Variants in DHRSX observed in about 807,000 individuals in gnomAD.
The protein encoded by DHRSX is dehydrogenase/reductase X-linked.
In DHRSX, 31 loss-of-function variants were observed where a neutral mutation model predicts 34.0. That is an observed-to-expected ratio of 0.91 (90% CI 0.69 to 1.23). The LOEUF (loss-of-function observed/expected upper bound fraction) is 1.23, where lower values mean the gene tolerates loss of function less well. Among genes scored for constraint, DHRSX ranks in the 50% most tolerant of loss-of-function variants. The pLI is 0.00. For synonymous variants in DHRSX, 201 were observed against 183.8 expected (o/e 1.09, Z -0.76); for missense variants, 414 against 428.1 (o/e 0.97, Z 0.29).
At chrX:2,490,346 T>C in intron 1 of DHRSX, 1 of 1,613,282 alleles carries the variant, frequency 6.2e-7, no homozygotes, top group South Asian at 1.1e-5. Flanking sequence ...GGCCGTCAGC[T>C]CCTGCTGCTT....
intron 2 of DHRSX, among the ~76,000 whole-genome samples, chrX:2,415,170 A>G (rs2043678397): frequency 6.6e-6 from 1 of 151,996 alleles, no homozygotes; most frequent in Admixed American, 6.6e-5. Context: ...ATCATGACCT[A>G]ATCCAACTAG....
intron 3 of DHRSX, among the ~76,000 whole-genome samples, chrX:2,297,646 CA>C (rs1225957820): frequency 6.6e-6 from 1 of 152,010 alleles, no homozygotes; most frequent in Non-Finnish European, 1.5e-5. Flanking sequence ...TTTATAGAGA[CA>C]GGGGTCTCTC....
chrX:2,317,594 A>G (rs1273050270), intron 3 of DHRSX, among the ~76,000 whole-genome samples: 1 of 151,880 alleles, frequency 6.6e-6, no homozygotes, highest in Non-Finnish European at 1.5e-5. Flanking sequence ...TTGGTATAGA[A>G]AGGGAAAAAA....
intron 3 of DHRSX, among the ~76,000 whole-genome samples, chrX:2,405,567 AG>A (rs2043542629): frequency 6.6e-6 from 1 of 152,124 alleles, no homozygotes. Flanking sequence ...GCACTTTGGG[AG>A]GCCGAGGTGA....
At chrX:2,406,097 GC>G (rs2043551403) in intron 3 of DHRSX, among the ~76,000 whole-genome samples, 1 of 152,058 alleles carries the variant, frequency 6.6e-6, no homozygotes, top group African/African-American at 2.4e-5. Context: ...TTCGAGACCA[GC>G]CTGGCCAACA....
At chrX:2,234,958 G>A (rs1314986477) in intron 6 of DHRSX, among the ~76,000 whole-genome samples, 1 of 152,164 alleles carries the variant, frequency 6.6e-6, no homozygotes, top group African/African-American at 2.4e-5. Context: ...TGATCCACCC[G>A]CCTCAGCCTC....
intron 1 of DHRSX, among the ~76,000 whole-genome samples, chrX:2,478,054 T>C (rs1569505332): frequency 2.0e-5 from 3 of 152,282 alleles, no homozygotes; most frequent in Middle Eastern, 6.8e-3. Flanking sequence ...AGGTTCTGAA[T>C]CTCTGATCTG....
At chrX:2,275,667 C>T (rs1451786171) in intron 4 of DHRSX, among the ~76,000 whole-genome samples, 2 of 151,816 alleles carry the variant, frequency 1.3e-5, no homozygotes. Context: ...AAGGTAACTA[C>T]AATTCCAATT....
At chrX:2,439,408 A>G (rs1478300769) in intron 1 of DHRSX, among the ~76,000 whole-genome samples, 3 of 152,114 alleles carry the variant, frequency 2.0e-5, no homozygotes, top group Non-Finnish European at 4.4e-5. Flanking sequence ...CCTTCAATCC[A>G]TACTCTGACA....
In DHRSX at chrX:2,320,971, C is replaced by G. The variant is rs115951523; in HGVS notation, c.287-29368G>C. Among the ~76,000 whole-genome samples the G allele has an allele frequency of 6.7e-3, 1,016 of 152,144 alleles. 14 individuals carry two copies. Among genetic ancestry groups the G allele is most frequent in the Middle Eastern group, 0.031 (9 of 294 alleles). ...CAGCACTTCAGAGTGTTCGCAACAT[C>G]CGGGGTTACTTAACCCTGTGGCTTG... On this transcript the variant is annotated intron_variant, in intron 3 of 6. Transcript: ENST00000334651.
At chrX:2,489,331 G>C in intron 1 of DHRSX, 1 of 1,613,886 alleles carries the variant, frequency 6.2e-7, no homozygotes, top group Non-Finnish European at 8.5e-7. Context: ...TGTCGATCTC[G>C]GGCGTCTCCT....
chrX:2,461,754 C>T (rs908911498), intron 1 of DHRSX, among the ~76,000 whole-genome samples: 1 of 152,068 alleles, frequency 6.6e-6, no homozygotes, highest in Non-Finnish European at 1.5e-5. Context: ...GCTTGGTTTC[C>T]CAGGCTGTGA....
chrX:2,345,996 T>C (rs2124567813), intron 3 of DHRSX, among the ~76,000 whole-genome samples: 1 of 152,272 alleles, frequency 6.6e-6, no homozygotes, highest in South Asian at 2.1e-4. Flanking sequence ...AGACACACAG[T>C]TCCCTGGTTC....
At chrX:2,293,413 G>T (rs1445047698) in intron 3 of DHRSX, among the ~76,000 whole-genome samples, 1 of 152,154 alleles carries the variant, frequency 6.6e-6, no homozygotes, top group Non-Finnish European at 1.5e-5. Context: ...CAAAATGCAT[G>T]AAAACTAGCT....
intron 3 of DHRSX, among the ~76,000 whole-genome samples, chrX:2,345,314 G>C (rs2042691195): frequency 6.6e-6 from 1 of 151,944 alleles, no homozygotes; most frequent in Admixed American, 6.6e-5. Context: ...GAATTGGTGG[G>C]TAGGCCTGGT....
At chrX:2,479,962 G>C (rs918275707) in intron 1 of DHRSX, among the ~76,000 whole-genome samples, 1 of 152,178 alleles carries the variant, frequency 6.6e-6, no homozygotes, top group Admixed American at 6.5e-5. Flanking sequence ...AAACGGGCCT[G>C]CGAAACACCA....
chrX:2,404,066 C>T (rs2043522687), intron 3 of DHRSX, among the ~76,000 whole-genome samples: 1 of 152,072 alleles, frequency 6.6e-6, no homozygotes, highest in Admixed American at 6.6e-5. Context: ...AAAAGAATGC[C>T]TCACTTGTCA....
chrX:2,243,720 CT>C (rs927508698), intron 5 of DHRSX, among the ~76,000 whole-genome samples: 16 of 150,912 alleles, frequency 1.1e-4, no homozygotes, highest in Admixed American at 2.0e-4. Context: ...AACTCCTGAC[CT>C]CAAATTATCC....
chrX:2,468,909 C>A (rs1352757459), intron 1 of DHRSX, among the ~76,000 whole-genome samples: 1 of 148,218 alleles, frequency 6.7e-6, no homozygotes, highest in Non-Finnish European at 1.5e-5. Flanking sequence ...GCCAAGTGAC[C>A]GCTGCCGTTG....
Sources: allele counts gnomAD v4.1 joint callset (sites outside exome capture counted in the v4.1 genomes callset), GRCh38; gene constraint gnomAD v4.1.1; transcripts MANE v1.5; gene names NCBI Gene and HGNC (gene_info 2026-07-23, HGNC 2026-07-21).